Variants in ABCA3 observed in about 807,000 individuals in gnomAD.
The protein encoded by ABCA3 is ATP binding cassette subfamily A member 3.
A neutral mutation model predicts 172.8 loss-of-function variants in ABCA3; 88 were observed. That is an observed-to-expected ratio of 0.51 (90% CI 0.43 to 0.61). ABCA3 has a LOEUF of 0.61. Ranked by LOEUF, ABCA3 falls within the 20% of genes least tolerant of loss-of-function variation. ABCA3 has a pLI of 0.00. For synonymous variants in ABCA3, 1,066 were observed against 983.8 expected (o/e 1.08, Z -1.56); for missense variants, 2,164 against 2,301.0 (o/e 0.94, Z 1.22).
chr16:2,325,878 G>C (rs2093733362), intron 5 of ABCA3, 132 bp downstream of exon 5: 1 of 1,269,180 alleles, frequency 7.9e-7, no homozygotes, highest in Admixed American at 1.8e-5. Context: ...GATGCGGGAA[G>C]AAGCAGAGGC....
At chr16:2,317,786 C>T in intron 8 of ABCA3, 22 bp from the exon 9 acceptor site, 1 of 1,609,934 alleles carries the variant, frequency 6.2e-7, no homozygotes, top group Non-Finnish European at 8.5e-7. Context: ...AGCCATCACG[C>T]TGCTGGGGGC....
At chr16:2,299,932 T>C in intron 13 of ABCA3, 73 bp downstream of exon 13, 1 of 1,599,082 alleles carries the variant, frequency 6.3e-7, no homozygotes, top group Non-Finnish European at 8.5e-7. Context: ...CTATGAGGTC[T>C]CACTGCCGTG....
intron 7 of ABCA3, among the ~76,000 whole-genome samples, 184 bp from the exon 8 acceptor site, chr16:2,320,024 G>A (rs2093723408): frequency 6.6e-6 from 1 of 152,124 alleles, no homozygotes; most frequent in African/African-American, 2.4e-5. Flanking sequence ...CACACTGACA[G>A]CAAATGAGAA....
intron 15 of ABCA3, 60 bp downstream of exon 15, chr16:2,298,326 C>T (rs2093683390): frequency 5.6e-6 from 9 of 1,608,816 alleles, no homozygotes; most frequent in Non-Finnish European, 7.7e-6. Flanking sequence ...CGGAAGACTG[C>T]CCCAGAAACT....
rs2093659134 is a variant in ABCA3, at chr16:2,284,121, G to T, written c.3862+158C>A. ...AGGGCCTGGGAGCGAGCGGGCGCGA[G>T]GGGGCTGCTGTGGGAGGTGGGGCAA... is the stretch of plus-strand genomic sequence containing the variant. On this transcript the variant is annotated intron_variant, in intron 25 of 32. Coordinates refer to ENST00000301732, the MANE Select transcript of ABCA3 (RefSeq NM_001089.3). The surrounding 1 kb of genome is among the most constrained non-coding windows in gnomAD (Gnocchi z 5.9). 1 of 907,816 alleles carries T rather than the reference G, an allele frequency of 1.1e-6. No homozygotes were observed. The highest frequency in any genetic ancestry group is 2.8e-5 in the Admixed American group (1 of 35,196). 56.2% of individuals were successfully genotyped at this position (907,816 alleles called of 1,614,324 possible). A position where few individuals can be genotyped will look rare whatever the true frequency, so the allele number is the denominator to read the frequency against.
In ABCA3 at chr16:2,278,050, G is replaced by C; in HGVS notation, c.4738C>G (p.Leu1580Val). 6.2e-7 allele frequency: 1 copy of C among 1,613,438 alleles called. No homozygotes were observed. Among genetic ancestry groups the C allele is most frequent in the South Asian group, 1.1e-5 (1 of 91,076 alleles). Residue 1580 changes from leucine to valine, a missense_variant, in exon 31 of 33, where the codon CTG becomes GTG. Around this residue, in one of 3 missense-constraint regions of ABCA3, gnomAD observed 795 missense variants for 881.9 expected, o/e 0.90. Transcript: ENST00000301732. The surrounding 1 kb of genome is among the most constrained non-coding windows in gnomAD (Gnocchi z 4.4). ...TSHSMEECEA[L>V]CTRLAIMVQG... ...ACCATGATGGCCAGCCGGGTGCACA[G>C]GGCCTCACACTCCTCCATGCTGTGG...
intron 5 of ABCA3, among the ~76,000 whole-genome samples, chr16:2,325,658 C>T (rs756341348): frequency 6.6e-6 from 1 of 152,192 alleles, no homozygotes; most frequent in Non-Finnish European, 1.5e-5. Context: ...CCAGTAATGT[C>T]TTTCATAAAA....
Position 2,308,480 on chromosome 16 carries a change from C to T in ABCA3, c.1255G>A (p.Ala419Thr), listed in dbSNP as rs1247519412. 6.2e-7 allele frequency: 1 copy of T among 1,614,240 alleles called. No homozygotes were observed. The highest frequency in any genetic ancestry group is 1.7e-5 in the Admixed American group (1 of 60,026). Residue 419 changes from alanine to threonine, a missense_variant, in exon 11 of 33, where the codon GCC (alanine) becomes ACC (threonine). Around this residue, in one of 3 missense-constraint regions of ABCA3, gnomAD observed 1,343 missense variants for 1,369.6 expected, o/e 0.98. Coordinates refer to ENST00000301732, the MANE Select transcript of ABCA3 (RefSeq NM_001089.3). The stretch of plus-strand genomic sequence containing the variant: ...GCCTCAAATTTCCCAATGAGCTGGG[C>T]TCCCATTGCCATGGCGACATTAGAC... ...LLSNVAMAMG[A>T]QLIGKFEAKG...
At chr16:2,334,098 C>CA (rs2093747714) in intron 1 of ABCA3, among the ~76,000 whole-genome samples, 1 of 152,072 alleles carries the variant, frequency 6.6e-6, no homozygotes, top group African/African-American at 2.4e-5. Context: ...CAGGAGAAGA[C>CA]AGGAATTAAT....
chr16:2,280,072 G>C (rs1036452946), intron 28 of ABCA3, among the ~76,000 whole-genome samples: 2 of 152,124 alleles, frequency 1.3e-5, no homozygotes, highest in African/African-American at 4.8e-5. Context: ...AATCAGTTTG[G>C]GGAAAGTCTT....
rs763251452 is a variant in ABCA3 at position 2,298,452 on chromosome 16, C to T, written c.1830G>A (p.Leu610=). The T allele has an allele frequency of 6.2e-6, 10 of 1,614,018 alleles. No homozygotes were observed. Among genetic ancestry groups the T allele is most frequent in the Non-Finnish European group, 7.6e-6 (9 of 1,180,054 alleles). ...CAAACAGGATGTCGTGCTGCGGGCA[C>T]AGGCCCAGGCTCTTCCGGATCTGAA... ...DMVQIRKSLG[L]CPQHDILFDN... The change falls in exon 15 of 33, where the codon CTG becomes CTA. Residue 610 remains leucine (L), a synonymous_variant. Transcript: ENST00000301732.
At chr16:2,295,541 G>T (rs1320026193) in intron 18 of ABCA3, 49 bp downstream of exon 18, 1 of 1,604,194 alleles carries the variant, frequency 6.2e-7, no homozygotes, top group Admixed American at 1.7e-5. Flanking sequence ...GGCCCATGGG[G>T]ATCCCATCTT....
At chr16:2,326,573 CT>C in intron 3 of ABCA3, 81 bp from the exon 4 acceptor site, 5 of 1,411,612 alleles carry the variant, frequency 3.5e-6, no homozygotes, top group South Asian at 1.2e-5. Context: ...GCCATGGACC[CT>C]TTTTCCTCCA....
chr16:2,284,747 A>G lies in ABCA3; in HGVS notation c.3703+32T>C. On this transcript the variant is annotated intron_variant, in intron 24 of 32. Coordinates refer to ENST00000301732, the MANE Select transcript of ABCA3 (RefSeq NM_001089.3). The surrounding 1 kb of genome is among the most constrained non-coding windows in gnomAD (Gnocchi z 5.9). The stretch of plus-strand genomic sequence containing the variant: ...GGGCGGAGTGGCTCCGTGGATGGCC[A>G]TGGGGGCTGCGGGTGGTCTCCAGGT... The G allele has an allele frequency of 6.2e-7, 1 of 1,602,266 alleles. No homozygotes were observed. Among genetic ancestry groups the G allele is most frequent in the Non-Finnish European group, 8.5e-7 (1 of 1,174,830 alleles).
At chr16:2,319,987 C>T in intron 7 of ABCA3, 147 bp from the exon 8 acceptor site, 1 of 970,822 alleles carries the variant, frequency 1.0e-6, no homozygotes, top group Non-Finnish European at 1.6e-6. Context: ...CTCAGTGGTC[C>T]CACGGGAGAA....
intron 10 of ABCA3, among the ~76,000 whole-genome samples, chr16:2,311,842 A>G (rs2141723201): frequency 6.6e-6 from 1 of 152,114 alleles, no homozygotes; most frequent in East Asian, 1.9e-4. Context: ...TTTTTAGTAG[A>G]GACAGGGTTT....
intron 1 of ABCA3, among the ~76,000 whole-genome samples, chr16:2,336,577 C>T (rs1311726621): frequency 6.6e-6 from 1 of 150,850 alleles, no homozygotes; most frequent in East Asian, 1.9e-4. Context: ...ATTACAGGTG[C>T]CCGCCACCAC....
intron 10 of ABCA3, among the ~76,000 whole-genome samples, chr16:2,310,948 C>G (rs1290462702): frequency 6.6e-6 from 1 of 151,980 alleles, no homozygotes; most frequent in Non-Finnish European, 1.5e-5. Context: ...TCATATCTGC[C>G]TATTTACTCT....
At position 2,287,988 on chromosome 16, in the gene ABCA3, C is replaced by T; in HGVS notation, c.3004+38G>A. On this transcript the variant is annotated intron_variant, in intron 21 of 32. Transcript: ENST00000301732. This position sits in a 1 kb window ranked among gnomAD's most constrained non-coding sequence, Gnocchi z 4.1. Reference sequence around the variant, plus strand: ...GGCGAACTCTGGCTGCAGGACTGGCCCCCGATGCCCCCGTCCCGCCCCCGG... The same window carrying T: ...GGCGAACTCTGGCTGCAGGACTGGCTCCCGATGCCCCCGTCCCGCCCCCGG... 3 of 1,595,326 alleles carry T rather than the reference C, an allele frequency of 1.9e-6. No individual in the cohort carries two copies. Among genetic ancestry groups the T allele is most frequent in the East Asian group, 4.5e-5 (2 of 44,830 alleles).
Sources: allele counts gnomAD v4.1 joint callset (sites outside exome capture counted in the v4.1 genomes callset), GRCh38; gene constraint gnomAD v4.1.1; regional missense constraint gnomAD v4.1.1; non-coding constraint Gnocchi (gnomAD v3.1); transcripts MANE v1.5; gene names NCBI Gene and HGNC (gene_info 2026-07-23, HGNC 2026-07-21).